The following WWC2 variants were observed in gnomAD, a reference collection of about 807,000 sequenced individuals.
WWC2 encodes the protein WW and C2 domain containing 2.
In WWC2, 101 loss-of-function variants were observed where a neutral mutation model predicts 138.5. That is an observed-to-expected ratio of 0.73 (90% CI 0.62 to 0.86). The LOEUF (loss-of-function observed/expected upper bound fraction) is 0.86, where lower values mean the gene tolerates loss of function less well. Among genes scored for constraint, WWC2 ranks in the 40% least tolerant of loss-of-function variants. The probability of loss-of-function intolerance (pLI) is 0.00; values close to 1 mark genes in which losing one functional copy is unlikely to be tolerated. For missense variants in WWC2, 1,420 were observed against 1,419.4 expected (o/e 1.00, Z -0.01); for synonymous variants, 558 against 538.4 (o/e 1.04, Z -0.50).
At chr4:183,174,276 G>T (rs996594762) in intron 1 of WWC2, among the ~76,000 whole-genome samples, 16 of 152,214 alleles carry the variant, frequency 1.1e-4, no homozygotes, top group Admixed American at 7.9e-4. Context: ...CAGGCAGGGG[G>T]TCTGACTGCT....
chr4:183,139,059 AG>A (rs1160775081), intron 1 of WWC2, among the ~76,000 whole-genome samples: 1 of 152,202 alleles, frequency 6.6e-6, no homozygotes, highest in African/African-American at 2.4e-5. Context: ...GGTTTGTATC[AG>A]TAACATATTA....
In WWC2 at chr4:183,318,796, A is replaced by G. The variant is rs149645799; in HGVS notation, c.*3067A>G. 3 of 152,362 alleles carry G rather than the reference A, an allele frequency of 2.0e-5. No homozygotes were observed. Among genetic ancestry groups the G allele is most frequent in the East Asian group, 3.9e-4 (2 of 5,188 alleles). The allele number at this position is 152,362 out of a possible 1,614,324, so 9.4% of individuals were successfully genotyped here. A position where few individuals can be genotyped will look rare whatever the true frequency, so the allele number is the denominator to read the frequency against. ...CGCCTGGGCTGGCAGTGTGCTCCAC[A>G]GAGAGGCAGCCGTCCCAGGAGGTTA... On this transcript the variant is annotated 3_prime_UTR_variant, in exon 23 of 23. Coordinates refer to ENST00000403733, the MANE Select transcript of WWC2 (RefSeq NM_024949.6).
intron 20 of WWC2, among the ~76,000 whole-genome samples, chr4:183,288,657 G>A (rs1396593219): frequency 6.6e-6 from 1 of 152,170 alleles, no homozygotes; most frequent in Non-Finnish European, 1.5e-5. Context: ...TACTTTGCCT[G>A]CACAGCCCCA....
chr4:183,228,466 A>G (rs1736138810), intron 4 of WWC2, among the ~76,000 whole-genome samples: 2 of 152,188 alleles, frequency 1.3e-5, no homozygotes, highest in East Asian at 1.9e-4. Context: ...TGGGGTGGGG[A>G]AAAATGGGAA....
At chr4:183,215,714 G>A (rs933777518) in intron 4 of WWC2, among the ~76,000 whole-genome samples, 1 of 152,082 alleles carries the variant, frequency 6.6e-6, no homozygotes, top group Non-Finnish European at 1.5e-5. Context: ...GGCTAAATAT[G>A]TATTTTAAAA....
chr4:183,207,482 TTC>T (rs1306194145), intron 2 of WWC2, among the ~76,000 whole-genome samples: 3 of 152,226 alleles, frequency 2.0e-5, no homozygotes, highest in Admixed American at 1.3e-4. Flanking sequence ...TGTTTTCTAT[TTC>T]TGTCATTACT....
chr4:183,251,929 C>T (rs536245069), intron 8 of WWC2, among the ~76,000 whole-genome samples: 1 of 152,206 alleles, frequency 6.6e-6, no homozygotes, highest in Admixed American at 6.5e-5. Flanking sequence ...ATGCTTATTT[C>T]GCATTTTGAT....
At chr4:183,223,726 CT>C (rs1305583889) in intron 4 of WWC2, among the ~76,000 whole-genome samples, 1 of 151,526 alleles carries the variant, frequency 6.6e-6, no homozygotes, top group African/African-American at 2.4e-5. Context: ...TATTTATTGT[CT>C]TTTTTTGAGA....
intron 15 of WWC2, among the ~76,000 whole-genome samples, chr4:183,270,788 TTTACA>T (rs1249910481): frequency 1.3e-5 from 2 of 152,030 alleles, no homozygotes; most frequent in Non-Finnish European, 2.9e-5. Context: ...TAATTTCACA[TTTACA>T]TAAAAGGCAT....
intron 16 of WWC2, 134 bp downstream of exon 16, chr4:183,271,375 C>A (rs1000967909): frequency 8.9e-6 from 6 of 677,632 alleles, no homozygotes; most frequent in Non-Finnish European, 1.3e-5. Context: ...TTCCTTTTCT[C>A]CTTTCACAAC....
chr4:183,289,803 T>C (rs35217678), intron 21 of WWC2, among the ~76,000 whole-genome samples, 168 bp downstream of exon 21: 11,960 of 151,156 alleles, frequency 0.079, 658 homozygotes, highest in Non-Finnish European at 0.12. Context: ...TTTTTTTTTT[T>C]CCAAACCAAA....
chr4:183,143,837 A>G (rs1039575389), intron 1 of WWC2, among the ~76,000 whole-genome samples: 1 of 152,068 alleles, frequency 6.6e-6, no homozygotes, highest in African/African-American at 2.4e-5. Flanking sequence ...AAAAATACAC[A>G]CAAACATTTT....
chr4:183,271,355 T>C (rs748290116), intron 16 of WWC2, 114 bp downstream of exon 16: 3 of 788,646 alleles, frequency 3.8e-6, no homozygotes, highest in Non-Finnish European at 5.4e-6. Context: ...TTTTATCACT[T>C]TCACTGTCCT....
intron 1 of WWC2, among the ~76,000 whole-genome samples, chr4:183,134,071 C>T (rs1170373680): frequency 6.6e-6 from 1 of 151,840 alleles, no homozygotes; most frequent in East Asian, 1.9e-4. Context: ...TCCCTATGTC[C>T]GAATTTGTTA....
chr4:183,279,682 A>G (rs974893645), intron 16 of WWC2, among the ~76,000 whole-genome samples: 1 of 151,938 alleles, frequency 6.6e-6, no homozygotes, highest in East Asian at 1.9e-4. Context: ...CAGAGATTCA[A>G]CTTCTTCCTG....
chr4:183,108,725 C>T (rs1339932516), intron 1 of WWC2, among the ~76,000 whole-genome samples: 3 of 152,128 alleles, frequency 2.0e-5, no homozygotes, highest in Non-Finnish European at 4.4e-5. Flanking sequence ...ATTCTCCTGC[C>T]TCAGCCTCCC....
At chr4:183,118,085 A>G (rs568404643) in intron 1 of WWC2, among the ~76,000 whole-genome samples, 15 of 152,344 alleles carry the variant, frequency 9.8e-5, no homozygotes, top group South Asian at 6.2e-4. Context: ...GGAGTGAGCC[A>G]CTGCGCCTGG....
intron 1 of WWC2, among the ~76,000 whole-genome samples, chr4:183,175,521 C>T (rs1734441708): frequency 6.6e-6 from 1 of 152,160 alleles, no homozygotes; most frequent in African/African-American, 2.4e-5. Context: ...CATCAGTCTC[C>T]CAAAGTGCTT....
chr4:183,166,285 G>A (rs888205175), intron 1 of WWC2, among the ~76,000 whole-genome samples: 10 of 152,078 alleles, frequency 6.6e-5, no homozygotes, highest in East Asian at 1.9e-4. Flanking sequence ...GCTGTAGCCC[G>A]TGGCATTCAG....
Sources: gnomAD v4.1 joint callset for allele counts (sites outside exome capture counted in the v4.1 genomes callset) on GRCh38, gnomAD v4.1.1 for gene constraint, MANE v1.5 for transcripts, NCBI Gene and HGNC (gene_info 2026-07-23, HGNC 2026-07-21) for gene names.